CAMSAP1: variants seen among roughly 807,000 people sequenced by gnomAD.
CAMSAP1 encodes the protein calmodulin-regulated spectrin-associated protein 1.
CAMSAP1 carries 58 observed loss-of-function variants against 143.5 expected under a neutral mutation model. The observed-to-expected ratio is 0.40, with a 90% CI of 0.33 to 0.50. The LOEUF is 0.50. Ranked by LOEUF, CAMSAP1 falls within the 20% of genes least tolerant of loss-of-function variation. The pLI is 0.45. For synonymous variants in CAMSAP1, 945 were observed against 859.3 expected (o/e 1.10, Z -1.74); for missense variants, 1,969 against 2,115.7 (o/e 0.93, Z 1.36).
In CAMSAP1 at chr9:135,818,181, CACACA is replaced by C; in HGVS notation, c.4169-107_4169-103del. 2 of 1,307,852 alleles carry C rather than the reference CACACA, an allele frequency of 1.5e-6. No individual in the cohort carries two copies. Among genetic ancestry groups the C allele is most frequent in the Non-Finnish European group, 2.1e-6 (2 of 939,334 alleles). The allele number at this position is 1,307,852 out of a possible 1,614,324, so 81.0% of individuals were successfully genotyped here. A position where few individuals can be genotyped will look rare whatever the true frequency, so the allele number is the denominator to read the frequency against. ...CTCACCTCGCCCTGCAGAGCTCGGC[CACACA>C]GGCCGCGTCCCCACCCCATCCCGGG... is the stretch of plus-strand genomic sequence containing the variant. On this transcript the variant is annotated intron_variant, in intron 13 of 16. Transcript: ENST00000389532. This position sits in a 1 kb window ranked among gnomAD's most constrained non-coding sequence, Gnocchi z 7.7.
Position 135,811,376 on chromosome 9 carries a change from G to T in CAMSAP1, c.4742C>A (p.Thr1581Lys). 2 of 1,613,040 alleles carry T rather than the reference G, an allele frequency of 1.2e-6. No individual in the cohort carries two copies. Among genetic ancestry groups the T allele is most frequent in the Non-Finnish European group, 1.7e-6 (2 of 1,179,480 alleles). The change falls in exon 17 of 17, where the codon ACA becomes AAA. Residue 1581 changes from threonine to lysine, a missense_variant. Coordinates refer to ENST00000389532, the MANE Select transcript of CAMSAP1 (RefSeq NM_015447.4). This position sits in a 1 kb window ranked among gnomAD's most constrained non-coding sequence, Gnocchi z 4.9. Reference protein sequence around the residue: ...KTMSVSVDALTIHNHLWQPKR... With the variant: ...KTMSVSVDALKIHNHLWQPKR... ...GGGCTGCCACAGGTGGTTGTGGATT[G>T]TGAGTGCGTCCACACTGACAGACAT...
Position 135,827,447 on chromosome 9 carries a change from A to G in CAMSAP1, c.1183T>C (p.Cys395Arg). The G allele has an allele frequency of 1.9e-6, 3 of 1,595,328 alleles. No individual in the cohort carries two copies. Among genetic ancestry groups the G allele is most frequent in the Non-Finnish European group, 2.6e-6 (3 of 1,165,956 alleles). The part of the protein sequence containing the change: ...QPPVQLPAEG[C>R]HRHYLHPEEP... ...TCCGGGTGCAGGTAGTGCCTGTGAC[A>G]GCCTTCCGCCGGCAGCTGCACGGGG... Residue 395 changes from cysteine to arginine, a missense_variant, in exon 8 of 17, where the codon TGT (cysteine) becomes CGT (arginine). This residue lies in a region of CAMSAP1 where 1,390 missense variants were observed against 1,420.8 expected (regional missense o/e 0.98). Transcript: ENST00000389532.
At chr9:135,856,372 G>C (rs989664392) in intron 5 of CAMSAP1, among the ~76,000 whole-genome samples, 1 of 152,202 alleles carries the variant, frequency 6.6e-6, no homozygotes, top group Non-Finnish European at 1.5e-5. Flanking sequence ...CACGAGAACA[G>C]TATGGGGGAA....
At chr9:135,833,758 G>A (rs2131690685) in intron 7 of CAMSAP1, among the ~76,000 whole-genome samples, 1 of 152,238 alleles carries the variant, frequency 6.6e-6, no homozygotes, top group Admixed American at 6.5e-5. Flanking sequence ...ATTAGCCTTG[G>A]TGATGATTTG....
intron 7 of CAMSAP1, among the ~76,000 whole-genome samples, chr9:135,832,105 A>C (rs932803640): frequency 2.6e-5 from 4 of 152,232 alleles, no homozygotes; most frequent in African/African-American, 9.6e-5. Flanking sequence ...AGGCAGACAT[A>C]GACACCAGAA....
chr9:135,817,856 G>T, intron 14 of CAMSAP1, 121 bp downstream of exon 14: 1 of 769,424 alleles, frequency 1.3e-6, no homozygotes. Flanking sequence ...TTCTGTAAAT[G>T]TGAAATTATA....
Position 135,828,737 on chromosome 9 carries a change from A to ATAT in CAMSAP1, c.1046-1154_1046-1153insATA, listed in dbSNP as rs569442855. 4.7e-4 allele frequency among the ~76,000 whole-genome samples: 71 copies of ATAT among 152,370 alleles called. No homozygotes were observed. In the South Asian group the frequency reaches 5.2e-3, roughly 11 times the overall value. On this transcript the variant is annotated intron_variant, in intron 7 of 16. Transcript: ENST00000389532. ...TGATACAGATCTCTCTCTCAAGATG[A>ATAT]CATGTGCTCCCCCAGGCACATTATA...
At position 135,824,195 on chromosome 9, in the gene CAMSAP1, T is replaced by C. The variant is rs1835591066; in HGVS notation, c.1316-161A>G. Among the ~76,000 whole-genome samples, 1 of 152,214 alleles carries C rather than the reference T, an allele frequency of 6.6e-6. No individual in the cohort carries two copies. Among genetic ancestry groups the C allele is most frequent in the South Asian group, 2.1e-4 (1 of 4,838 alleles). On this transcript the variant is annotated intron_variant, in intron 9 of 16. Coordinates refer to ENST00000389532, the MANE Select transcript of CAMSAP1 (RefSeq NM_015447.4). The surrounding 1 kb of genome is among the most constrained non-coding windows in gnomAD (Gnocchi z 4.1). The stretch of plus-strand genomic sequence containing the variant: ...AAAACCATACAGTTGTCCCACATTT[T>C]GATGGTAACACACAGTTCAGAACTG...
intron 4 of CAMSAP1, chr9:135,865,239 AAC>A (rs1295572026): frequency 8.0e-7 from 1 of 1,255,488 alleles, no homozygotes. Context: ...ACAACAAAAA[AAC>A]AGTTTTGGGT....
rs1195349668 is a variant in CAMSAP1, at chr9:135,882,233, G to A, written c.424-439C>T. 2.0e-5 allele frequency among the ~76,000 whole-genome samples: 3 copies of A among 152,128 alleles called. No individual in the cohort carries two copies. Among genetic ancestry groups the A allele is most frequent in the Admixed American group, 6.5e-5 (1 of 15,274 alleles). On this transcript the variant is annotated intron_variant, in intron 2 of 16. Transcript: ENST00000389532. This position sits in a 1 kb window ranked among gnomAD's most constrained non-coding sequence, Gnocchi z 4.9. ...GCTCTACCTGCTACAGCTGCACCAC[G>A]CCTTAGTGCAGCTTCCTCATTCGAC...
In CAMSAP1 at chr9:135,824,161, C is replaced by T; in HGVS notation, c.1316-127G>A. On this transcript the variant is annotated intron_variant, in intron 9 of 16. Transcript: ENST00000389532. The surrounding 1 kb of genome is among the most constrained non-coding windows in gnomAD (Gnocchi z 4.1). ...TACACCAGAAGGGCCGCATGGAAAG[C>T]AGAGAGGCAAAACCATACAGTTGTC... The T allele has an allele frequency of 1.3e-6, 1 of 757,268 alleles. No individual in the cohort carries two copies. Among genetic ancestry groups the T allele is most frequent in the Admixed American group, 2.1e-5 (1 of 47,636 alleles). The allele number at this position is 757,268 out of a possible 1,614,324, so 46.9% of individuals were successfully genotyped here. A position where few individuals can be genotyped will look rare whatever the true frequency, so the allele number is the denominator to read the frequency against.
intron 16 of CAMSAP1, among the ~76,000 whole-genome samples, chr9:135,814,806 C>G (rs1835172258): frequency 6.6e-6 from 1 of 152,222 alleles, no homozygotes; most frequent in African/African-American, 2.4e-5. Context: ...CATCCACTAT[C>G]TCACTGAGTA....
chr9:135,837,412 C>A (rs551321689), intron 7 of CAMSAP1, among the ~76,000 whole-genome samples: 1 of 149,290 alleles, frequency 6.7e-6, no homozygotes, highest in African/African-American at 2.5e-5. Context: ...TACAGACACA[C>A]GTCATCACGC....
rs1564421008 is a variant in CAMSAP1, at chr9:135,822,227, C to CGAA, written c.2433_2434insTTC (p.Ser811_Val812insPhe). The CGAA allele has an allele frequency of 1.9e-6, 3 of 1,613,992 alleles. No homozygotes were observed. Among genetic ancestry groups the CGAA allele is most frequent in the Non-Finnish European group, 2.5e-6 (3 of 1,179,906 alleles). ...CTCTCCGCAAAGCTGGTCATCTTCA[C>CGAA]GCTCCCACTCGCCATGGAGACACTG... On this transcript the variant is annotated inframe_insertion, in exon 11 of 17. Coordinates refer to ENST00000389532, the MANE Select transcript of CAMSAP1 (RefSeq NM_015447.4). The surrounding 1 kb of genome is among the most constrained non-coding windows in gnomAD (Gnocchi z 6.1).
intron 5 of CAMSAP1, among the ~76,000 whole-genome samples, chr9:135,851,143 G>A (rs1468389964): frequency 1.3e-5 from 2 of 152,232 alleles, no homozygotes; most frequent in African/African-American, 2.4e-5. Flanking sequence ...GGAGTGGGGG[G>A]TGGCCCTCAG....
chr9:135,865,649 G>A (rs1837349379), intron 4 of CAMSAP1, among the ~76,000 whole-genome samples: 1 of 152,194 alleles, frequency 6.6e-6, no homozygotes, highest in African/African-American at 2.4e-5. Context: ...AGTCAGCTCT[G>A]ACGCGGGAAG....
intron 11 of CAMSAP1, 118 bp from the exon 12 acceptor site, chr9:135,819,264 T>C: frequency 7.6e-7 from 1 of 1,307,546 alleles, no homozygotes; most frequent in Non-Finnish European, 1.0e-6. Flanking sequence ...CATAAAGACT[T>C]CTATGCTTTT....
chr9:135,833,753 C>T (rs2131690673), intron 7 of CAMSAP1, among the ~76,000 whole-genome samples: 1 of 152,256 alleles, frequency 6.6e-6, no homozygotes, highest in East Asian at 1.9e-4. Context: ...TTGACATTAG[C>T]CTTGGTGATG....
intron 5 of CAMSAP1, among the ~76,000 whole-genome samples, chr9:135,854,969 G>T (rs531981469): frequency 1.6e-3 from 241 of 151,714 alleles, no homozygotes; most frequent in Non-Finnish European, 2.9e-3. Flanking sequence ...CCTTCTTTGT[G>T]TTCTTAAGTT....
Sources: gnomAD v4.1 joint callset for allele counts (sites outside exome capture counted in the v4.1 genomes callset) on GRCh38, gnomAD v4.1.1 for gene constraint, gnomAD v4.1.1 regional missense constraint, Gnocchi (gnomAD v3.1) non-coding constraint, MANE v1.5 for transcripts, NCBI Gene and HGNC (gene_info 2026-07-23, HGNC 2026-07-21) for gene names.